The following SCAI variants were observed in gnomAD, a reference collection of about 807,000 sequenced individuals.
SCAI encodes the protein suppressor of cancer cell invasion.
In SCAI, 24 loss-of-function variants were observed where a neutral mutation model predicts 92.2. The ratio of observed to expected loss-of-function variants is 0.26; its 90% CI spans 0.19 to 0.37. The LOEUF (loss-of-function observed/expected upper bound fraction) is 0.37, where lower values mean the gene tolerates loss of function less well. Ranked by LOEUF, SCAI falls within the 10% of genes least tolerant of loss-of-function variation. SCAI has a pLI of 1.00. For missense variants in SCAI, 450 were observed against 736.2 expected, an observed-to-expected ratio of 0.61 and a Z score of 4.50; for synonymous variants, 261 against 258.6, an observed-to-expected ratio of 1.01 and a Z score of -0.09.
chr9:124,942,724 G>T lies in SCAI; in HGVS notation c.*10083C>A, dbSNP rs976238347. ...TGATGAATGTAGACACATTCCTAGAGAACATTTATCAATGTGAAAATTTCT... is the reference window on the plus strand; with the variant it reads ...TGATGAATGTAGACACATTCCTAGATAACATTTATCAATGTGAAAATTTCT... On this transcript the variant is annotated 3_prime_UTR_variant, in exon 18 of 18. Transcript: ENST00000336505. 1 of 152,178 alleles carries T rather than the reference G, an allele frequency of 6.6e-6. No individual in the cohort carries two copies. The highest frequency in any genetic ancestry group is 2.1e-4 in the South Asian group (1 of 4,836). The allele number at this position is 152,178 out of a possible 1,614,324, so 9.4% of individuals were successfully genotyped here.
In SCAI at chr9:125,039,351, C is replaced by G. The variant is rs367580369; in HGVS notation, c.231-9612G>C. On this transcript the variant is annotated intron_variant, in intron 3 of 17. Transcript: ENST00000336505. ...GCAGTGAACCAAGATCACGCCACTG[C>G]ACTCCAGCCTGGCAACAGAGCGAGA... Among the ~76,000 whole-genome samples, 10 of 143,528 alleles carry G rather than the reference C, an allele frequency of 7.0e-5. No individual in the cohort carries two copies. The South Asian group carries it at 2.2e-3, about 31-fold the overall frequency. 94.2% of individuals were successfully genotyped at this position (143,528 alleles called of 152,430 possible). A position where few individuals can be genotyped will look rare whatever the true frequency, so the allele number is the denominator to read the frequency against.
At position 125,002,716 on chromosome 9, in the gene SCAI, T is replaced by A. The variant is rs183002932; in HGVS notation, c.1065+398A>T. ...TCAAGCTGTTCTTGAACTCCCGACC[T>A]CAGGTGATCCACCTGGCTTGGCCTC... On this transcript the variant is annotated intron_variant, in intron 11 of 17. Transcript: ENST00000336505. 5.5e-3 allele frequency among the ~76,000 whole-genome samples: 831 copies of A among 152,032 alleles called. 5 individuals carry two copies. The highest frequency in any genetic ancestry group is 9.1e-3 in the Non-Finnish European group (616 of 67,936).
Position 125,046,196 on chromosome 9 carries a change from G to T in SCAI, c.230+9680C>A, listed in dbSNP as rs867204812. Among the ~76,000 whole-genome samples, 49 of 51,866 alleles carry T rather than the reference G, an allele frequency of 9.4e-4. 1 individual carries two copies. The highest frequency in any genetic ancestry group is 1.1e-3 in the Non-Finnish European group (32 of 27,954). 34.0% of individuals were successfully genotyped at this position (51,866 alleles called of 152,430 possible). A position where few individuals can be genotyped will look rare whatever the true frequency, so the allele number is the denominator to read the frequency against. The stretch of plus-strand genomic sequence containing the variant: ...CAACAAGTGAATAAAGAAATTGTGA[G>T]ATATATATATATATATATATATATA... On this transcript the variant is annotated intron_variant, in intron 3 of 17. Transcript: ENST00000336505.
intron 2 of SCAI, among the ~76,000 whole-genome samples, chr9:125,096,172 T>G (rs1175857615): frequency 6.6e-6 from 1 of 152,184 alleles, no homozygotes; most frequent in Non-Finnish European, 1.5e-5. Context: ...GGGTGCCTCA[T>G]AATCATGGCA....
intron 9 of SCAI, among the ~76,000 whole-genome samples, chr9:125,012,537 G>C (rs1832660710): frequency 6.6e-6 from 1 of 152,062 alleles, no homozygotes; most frequent in African/African-American, 2.4e-5. Context: ...AGCAAGTCCT[G>C]AGTGACCTAC....
chr9:125,015,972 C>G (rs375448505), intron 9 of SCAI, among the ~76,000 whole-genome samples: 1 of 134,568 alleles, frequency 7.4e-6, no homozygotes, highest in Non-Finnish European at 1.5e-5. Context: ...TAGGTGGGAA[C>G]TGAACAATGA....
Position 124,999,952 on chromosome 9 carries a change from G to T in SCAI, c.1183C>A (p.Arg395=). ...ATGGCATCTCCATTAATAATATCCC[G>T]GTTACTATTAGTAAGTACACCTCCA... ...DFGGVLTNSN[R]DIINGDAIHK... is the part of the protein sequence containing the mutation. Residue 395 remains arginine, a synonymous_variant, in exon 13 of 18, where the codon CGG becomes AGG. Transcript: ENST00000336505. 1.3e-6 allele frequency: 2 copies of T among 1,593,938 alleles called. No homozygotes were observed. The highest frequency in any genetic ancestry group is 1.4e-5 in the African/African-American group (1 of 73,966).
intron 17 of SCAI, among the ~76,000 whole-genome samples, chr9:124,965,171 T>C (rs1216910944): frequency 6.6e-6 from 1 of 152,206 alleles, no homozygotes; most frequent in Non-Finnish European, 1.5e-5. Flanking sequence ...GATCCTTCAC[T>C]TTCCTTTTGC....
chr9:125,054,692 T>C (rs1290966718), intron 3 of SCAI, among the ~76,000 whole-genome samples: 1 of 152,134 alleles, frequency 6.6e-6, no homozygotes, highest in Non-Finnish European at 1.5e-5. Context: ...AATTAATTTA[T>C]AAAGCCAAAG....
rs1831251161 is a variant in SCAI, at chr9:124,952,783, T to G, written c.*24A>C. 2 of 1,594,206 alleles carry G rather than the reference T, an allele frequency of 1.3e-6. No homozygotes were observed. The highest frequency in any genetic ancestry group is 1.3e-5 in the African/African-American group (1 of 74,114). On this transcript the variant is annotated 3_prime_UTR_variant, in exon 18 of 18. Coordinates refer to ENST00000336505, the MANE Select transcript of SCAI (RefSeq NM_001144877.3). ...TTAAAATTTGTGGAAAATGAAAACT[T>G]GTTTCGACAACAGGGTTTTTGTTTT... is the stretch of plus-strand genomic sequence containing the variant.
chr9:125,022,045 T>A (rs902532796), intron 6 of SCAI, among the ~76,000 whole-genome samples: 3 of 152,198 alleles, frequency 2.0e-5, no homozygotes, highest in African/African-American at 7.2e-5. Context: ...ATAACATATA[T>A]ACTGTTGCAC....
At chr9:124,985,425 T>TA (rs1831968796) in intron 14 of SCAI, among the ~76,000 whole-genome samples, 1 of 152,114 alleles carries the variant, frequency 6.6e-6, no homozygotes, top group South Asian at 2.1e-4. Context: ...CCTCTCTGAA[T>TA]AAAGGTATCC....
chr9:124,986,106 A>G (rs755629980), intron 14 of SCAI, among the ~76,000 whole-genome samples: 8 of 152,118 alleles, frequency 5.3e-5, no homozygotes, highest in African/African-American at 1.9e-4. Flanking sequence ...CCTGGCTAAC[A>G]TGGTGAAACC....
chr9:125,087,544 GA>G (rs763546244), intron 2 of SCAI, among the ~76,000 whole-genome samples: 2 of 152,160 alleles, frequency 1.3e-5, no homozygotes, highest in African/African-American at 2.4e-5. Context: ...AGACACAGTA[GA>G]AAAGAGAAAG....
At chr9:125,088,708 G>A (rs913982965) in intron 2 of SCAI, among the ~76,000 whole-genome samples, 4 of 152,128 alleles carry the variant, frequency 2.6e-5, no homozygotes, top group African/African-American at 4.8e-5. Context: ...GAACTCATGG[G>A]CTCAAGCAAT....
chr9:124,959,523 C>CATATATATACACATATATAT (rs1554774582), intron 17 of SCAI, among the ~76,000 whole-genome samples: 90 of 144,940 alleles, frequency 6.2e-4, no homozygotes, highest in African/African-American at 2.2e-3. Flanking sequence ...TATATACACA[C>CATATATATACACATATATAT]ATATATATAC....
At chr9:124,953,623 G>A (rs370680779) in intron 17 of SCAI, among the ~76,000 whole-genome samples, 1 of 152,010 alleles carries the variant, frequency 6.6e-6, no homozygotes, top group African/African-American at 2.4e-5. Flanking sequence ...ATGTTGGCCA[G>A]CCTGGTCTCG....
intron 3 of SCAI, among the ~76,000 whole-genome samples, chr9:125,034,666 T>C (rs1008013681): frequency 1.2e-4 from 19 of 152,172 alleles, no homozygotes; most frequent in Admixed American, 6.5e-5. Context: ...GGAGGATTCA[T>C]TGAGCCCGAA....
chr9:125,109,089 G>A (rs1388101261), intron 2 of SCAI, among the ~76,000 whole-genome samples: 2 of 152,186 alleles, frequency 1.3e-5, no homozygotes, highest in South Asian at 2.1e-4. Flanking sequence ...AACATGTGCT[G>A]TGTCCACTCA....
Sources: allele counts gnomAD v4.1 joint callset (sites outside exome capture counted in the v4.1 genomes callset), GRCh38; gene constraint gnomAD v4.1.1; transcripts MANE v1.5; gene names NCBI Gene and HGNC (gene_info 2026-07-23, HGNC 2026-07-21).